GABBR2: variants seen among roughly 807,000 people sequenced by gnomAD.
GABBR2 encodes G-protein coupled receptor 51.
Under a neutral mutation model 105.6 loss-of-function variants are expected in GABBR2, and 23 were observed. The ratio of observed to expected loss-of-function variants is 0.22; its 90% confidence interval spans 0.16 to 0.31. GABBR2 has a LOEUF of 0.31. Among genes scored for constraint, GABBR2 ranks in the 10% least tolerant of loss-of-function variants. The probability of loss-of-function intolerance (pLI) is 1.00; values close to 1 mark genes in which losing one functional copy is unlikely to be tolerated. For synonymous variants in GABBR2, 478 were observed against 499.7 expected, an observed-to-expected ratio of 0.96 and a Z score of 0.58; for missense variants, 734 against 1,245.5, an observed-to-expected ratio of 0.59 and a Z score of 6.18.
chr9:98,470,748 G>A (rs1002655809), intron 6 of GABBR2, among the ~76,000 whole-genome samples: 9 of 151,990 alleles, frequency 5.9e-5, no homozygotes, highest in African/African-American at 2.2e-4. Flanking sequence ...TCCCTGTCCT[G>A]TGAATCTGGT....
At chr9:98,362,940 C>T in intron 12 of GABBR2, 103 bp from the exon 13 acceptor site, 1 of 1,019,746 alleles carries the variant, frequency 9.8e-7, no homozygotes, top group Non-Finnish European at 1.4e-6. Flanking sequence ...ATGAACCCCC[C>T]AGCCGGAGAG....
chr9:98,392,428 T>A (rs1832197962), intron 9 of GABBR2, among the ~76,000 whole-genome samples: 1 of 152,238 alleles, frequency 6.6e-6, no homozygotes, highest in South Asian at 2.1e-4. Context: ...GCTGTGTGAA[T>A]CTGGGGTGTC....
intron 13 of GABBR2, among the ~76,000 whole-genome samples, chr9:98,311,990 A>G (rs1830643382): frequency 6.6e-6 from 1 of 152,236 alleles, no homozygotes; most frequent in Non-Finnish European, 1.5e-5. Flanking sequence ...CATCTACTGT[A>G]CATTTATTTT....
chr9:98,557,246 C>T (rs868106179), intron 2 of GABBR2, among the ~76,000 whole-genome samples: 2 of 152,144 alleles, frequency 1.3e-5, no homozygotes, highest in African/African-American at 4.8e-5. Flanking sequence ...CTCCCTCACT[C>T]CCCTCTGAAA....
intron 2 of GABBR2, among the ~76,000 whole-genome samples, chr9:98,550,840 A>G (rs1828474790): frequency 6.6e-6 from 1 of 152,166 alleles, no homozygotes. Flanking sequence ...TGATTGCCAG[A>G]GAGTTCATAG....
chr9:98,417,650 C>T (rs114385159), intron 7 of GABBR2, among the ~76,000 whole-genome samples: 1,559 of 152,280 alleles, frequency 0.01, 21 homozygotes, highest in African/African-American at 0.035. Context: ...TGGGACACAG[C>T]ATGCTAGACC....
chr9:98,431,587 G>A (rs1028525303), intron 7 of GABBR2, among the ~76,000 whole-genome samples: 2 of 152,092 alleles, frequency 1.3e-5, no homozygotes, highest in Admixed American at 1.3e-4. Flanking sequence ...AGAATTCAGA[G>A]AAATAGCTGG....
Position 98,661,370 on chromosome 9 carries a change from AT to A in GABBR2, c.321+47046del, listed in dbSNP as rs1486045432. ...GCCTTGGAGTGTTCATCTCTTTCTT[AT>A]TTTTCCTTTTGTGTATTGAGACGTG... On this transcript the variant is annotated intron_variant, in intron 1 of 18. Transcript: ENST00000259455. Among the ~76,000 whole-genome samples, 3 of 151,756 alleles carry A rather than the reference AT, an allele frequency of 2.0e-5. No homozygotes were observed. The East Asian group carries it at 5.8e-4, about 30-fold the overall frequency.
intron 3 of GABBR2, among the ~76,000 whole-genome samples, chr9:98,509,576 G>T (rs1827592504): frequency 6.6e-6 from 1 of 152,184 alleles, no homozygotes; most frequent in Admixed American, 6.5e-5. Context: ...AGTCCTTAAA[G>T]GACCTGATGG....
At chr9:98,292,549 T>C (rs1830318023) in intron 18 of GABBR2, among the ~76,000 whole-genome samples, 1 of 152,178 alleles carries the variant, frequency 6.6e-6, no homozygotes, top group Admixed American at 6.5e-5. Flanking sequence ...ACCTCACAGG[T>C]GTGCATGGAA....
chr9:98,543,641 G>C (rs2131742364), intron 2 of GABBR2, among the ~76,000 whole-genome samples: 1 of 152,304 alleles, frequency 6.6e-6, no homozygotes, highest in East Asian at 1.9e-4. Context: ...GACTACAGGT[G>C]TGCTATCGCA....
chr9:98,575,501 A>G (rs1828894979), intron 2 of GABBR2, among the ~76,000 whole-genome samples: 1 of 152,166 alleles, frequency 6.6e-6, no homozygotes, highest in Non-Finnish European at 1.5e-5. Context: ...CAGTCTTTCC[A>G]TCCACACAAC....
chr9:98,401,458 T>C (rs937063352), intron 8 of GABBR2, among the ~76,000 whole-genome samples: 2 of 152,180 alleles, frequency 1.3e-5, no homozygotes, highest in Non-Finnish European at 2.9e-5. Context: ...TTAGGCTCCC[T>C]GAAAGGCAAA....
chr9:98,342,428 C>T (rs1332271764), intron 13 of GABBR2, among the ~76,000 whole-genome samples: 1 of 152,092 alleles, frequency 6.6e-6, no homozygotes, highest in Admixed American at 6.5e-5. Context: ...CTGAGCTGAG[C>T]TAAGGAGTAC....
chr9:98,643,247 C>T (rs967932), intron 1 of GABBR2, among the ~76,000 whole-genome samples: 8,187 of 152,264 alleles, frequency 0.054, 848 homozygotes, highest in East Asian at 0.44. Flanking sequence ...GGGAAATTGC[C>T]AGGGCAGCAT....
At chr9:98,665,276 ATCTC>A (rs55873825) in intron 1 of GABBR2, among the ~76,000 whole-genome samples, 121,915 of 149,312 alleles carry the variant, frequency 0.82, 49,548 homozygotes, top group Middle Eastern at 0.9. Flanking sequence ...CTCTCTCTCA[ATCTC>A]TCTCTCTCTC....
chr9:98,701,259 C>T (rs993394071), intron 1 of GABBR2, among the ~76,000 whole-genome samples: 10 of 152,130 alleles, frequency 6.6e-5, no homozygotes, highest in African/African-American at 2.2e-4. Context: ...TAAACAGGCC[C>T]TTAGTGTATT....
chr9:98,420,466 G>A (rs1471677222), intron 7 of GABBR2, among the ~76,000 whole-genome samples: 1 of 112,788 alleles, frequency 8.9e-6, no homozygotes, highest in Non-Finnish European at 1.9e-5. Flanking sequence ...CAAAGAGTGT[G>A]TGGCCGGGAA....
chr9:98,553,785 TGAGCCTCGGAGAG>T (rs960437056), intron 2 of GABBR2, among the ~76,000 whole-genome samples: 1 of 152,220 alleles, frequency 6.6e-6, no homozygotes, highest in African/African-American at 2.4e-5. Context: ...ATGAGGAGAC[TGAGCCTCGGAGAG>T]GATAAGTGAC....
Sources: gnomAD v4.1 joint callset for allele counts (sites outside exome capture counted in the v4.1 genomes callset) on GRCh38, gnomAD v4.1.1 for gene constraint, MANE v1.5 for transcripts, NCBI Gene and HGNC (gene_info 2026-07-23, HGNC 2026-07-21) for gene names.